Variants in ANK2 observed in about 807,000 individuals in gnomAD.
The protein encoded by ANK2 is ankyrin-2.
ANK2 carries 83 observed loss-of-function variants against 360.5 expected under a neutral mutation model. The ratio of observed to expected loss-of-function variants is 0.23; its 90% CI spans 0.19 to 0.28. The LOEUF is 0.28. Among genes scored for constraint, ANK2 ranks in the 10% least tolerant of loss-of-function variants. The pLI, the probability that ANK2 is intolerant of heterozygous loss-of-function variation, is 1.00. For missense variants in ANK2, 4,201 were observed against 4,795.7 expected (o/e 0.88, Z 3.66); for synonymous variants, 1,740 against 1,759.5 (o/e 0.99, Z 0.28).
chr4:113,336,125 C>A, intron 30 of ANK2, 68 bp downstream of exon 30: 2 of 1,513,580 alleles, frequency 1.3e-6, no homozygotes, highest in Admixed American at 1.7e-5. Flanking sequence ...TTAGCTTTGT[C>A]AAGGACTGTT....
chr4:112,939,626 TA>T (rs2094046697), intron 2 of ANK2, among the ~76,000 whole-genome samples: 2 of 152,214 alleles, frequency 1.3e-5, no homozygotes, highest in Non-Finnish European at 2.9e-5. Context: ...GTTCATTCTT[TA>T]AAAATACAAT....
intron 13 of ANK2, among the ~76,000 whole-genome samples, chr4:113,260,687 A>G (rs76139316): frequency 0.028 from 4,301 of 152,344 alleles, 100 homozygotes; most frequent in East Asian, 0.068. Context: ...CTGGAATTAA[A>G]ATTTAACTGG....
intron 2 of ANK2, among the ~76,000 whole-genome samples, chr4:112,975,245 G>A (rs1209287223): frequency 6.6e-6 from 1 of 152,020 alleles, no homozygotes; most frequent in African/African-American, 2.4e-5. Context: ...TGATGTTTCT[G>A]TTCACTTAGC....
the ANK2 span, among the ~76,000 whole-genome samples, chr4:112,778,384 C>A: frequency 1.3e-5 from 2 of 152,078 alleles, no homozygotes; most frequent in East Asian, 3.9e-4. Context: ...GTTGGCCAGG[C>A]TGGTCTTGAA....
chr4:113,084,241 T>C (rs577864877), intron 1 of ANK2, among the ~76,000 whole-genome samples: 6 of 152,326 alleles, frequency 3.9e-5, no homozygotes, highest in African/African-American at 1.4e-4. Context: ...TCAAAGCACA[T>C]GCAGAAGGGG....
At chr4:113,247,169 A>C (rs1383754920) in intron 9 of ANK2, among the ~76,000 whole-genome samples, 1 of 151,850 alleles carries the variant, frequency 6.6e-6, no homozygotes, top group African/African-American at 2.4e-5. Flanking sequence ...GAGAAAAAAA[A>C]AAAAACAACA....
chr4:112,783,958 A>G, the ANK2 span, among the ~76,000 whole-genome samples: 1 of 152,016 alleles, frequency 6.6e-6, no homozygotes, highest in African/African-American at 2.4e-5. Context: ...TTATGTTGAT[A>G]TATTTTTAAA....
chr4:112,910,765 GATA>G, intron 2 of ANK2, among the ~76,000 whole-genome samples: 1 of 152,198 alleles, frequency 6.6e-6, no homozygotes, highest in African/African-American at 2.4e-5. Flanking sequence ...TTAGAAAGAG[GATA>G]ATATTTGGAA....
chr4:112,861,328 G>T (rs2067947302), intron 1 of ANK2, among the ~76,000 whole-genome samples: 1 of 152,186 alleles, frequency 6.6e-6, no homozygotes, highest in Non-Finnish European at 1.5e-5. Context: ...AGGAATTTAG[G>T]ATTTCTGAAT....
rs1564061618 is a variant in ANK2, at chr4:113,358,678, C to G, written c.10060C>G (p.Leu3354Val). Residue 3354 changes from leucine to valine, a missense_variant, in exon 38 of 46, where the codon CTC becomes GTC. This residue lies in a region of ANK2 where 2,642 missense variants were observed against 2,714.5 expected (regional missense o/e 0.97). Coordinates refer to ENST00000357077, the MANE Select transcript of ANK2 (RefSeq NM_001148.6). ...GTCCAAACTCCCTGTCAAAGTACCCCTCCAAAGAGTTGAACAGCAGCTCTC... is the reference window on the plus strand; with the variant it reads ...GTCCAAACTCCCTGTCAAAGTACCCGTCCAAAGAGTTGAACAGCAGCTCTC... The part of the protein sequence containing the change: ...PKSKLPVKVP[L>V]QRVEQQLSDL... 12 of 1,613,932 alleles carry G rather than the reference C, an allele frequency of 7.4e-6. No individual in the cohort carries two copies. The highest frequency in any genetic ancestry group is 1.0e-5 in the Non-Finnish European group (12 of 1,179,970).
At chr4:112,803,516 A>C in the ANK2 span, among the ~76,000 whole-genome samples, 8 of 152,240 alleles carry the variant, frequency 5.3e-5, no homozygotes, top group Non-Finnish European at 1.0e-4. Flanking sequence ...GTTGGCTGCC[A>C]CCGGAAGCTG....
intron 2 of ANK2, among the ~76,000 whole-genome samples, chr4:112,999,607 A>G (rs1259919116): frequency 6.6e-6 from 1 of 152,050 alleles, no homozygotes; most frequent in Non-Finnish European, 1.5e-5. Context: ...GGTGATTTGC[A>G]GCAATATACT....
At chr4:113,254,313 T>G (rs1050544439) in intron 10 of ANK2, among the ~76,000 whole-genome samples, 3 of 152,258 alleles carry the variant, frequency 2.0e-5, no homozygotes, top group African/African-American at 7.2e-5. Context: ...CTGTCTGTTG[T>G]GTTCCCTGCT....
rs185200212 is a variant in ANK2, at chr4:112,838,216, T to C, written c.-40+19952T>C. 9.2e-5 allele frequency among the ~76,000 whole-genome samples: 14 copies of C among 152,330 alleles called. No individual in the cohort carries two copies. The East Asian group carries it at 2.1e-3, about 23-fold the overall frequency. ...GGCACTTCCTCATTCTCTCTCTCTTTCCTGCCACCTTGTGAAGAAAGTGCC... is the reference window on the plus strand; with the variant it reads ...GGCACTTCCTCATTCTCTCTCTCTTCCCTGCCACCTTGTGAAGAAAGTGCC... On this transcript the variant is annotated intron_variant, in intron 1 of 30. Coordinates refer to the ANK2 transcript ENST00000503271.
chr4:113,236,740 A>G (rs1325249737), intron 5 of ANK2, among the ~76,000 whole-genome samples: 3 of 152,188 alleles, frequency 2.0e-5, no homozygotes, highest in Non-Finnish European at 4.4e-5. Context: ...TCCTGTATGT[A>G]ATATGTTTGT....
intron 9 of ANK2, among the ~76,000 whole-genome samples, chr4:113,247,198 G>A (rs1247688517): frequency 1.3e-5 from 2 of 151,514 alleles, no homozygotes; most frequent in Non-Finnish European, 2.9e-5. Flanking sequence ...AACACAAGGG[G>A]TCTCTGGAAG....
intron 33 of ANK2, 21 bp from the exon 34 acceptor site, chr4:113,342,996 T>G (rs566967652): frequency 1.2e-6 from 2 of 1,613,668 alleles, no homozygotes; most frequent in African/African-American, 2.7e-5. Flanking sequence ...TTTATTGTTA[T>G]TTCTCTCTGT....
At chr4:113,288,890 TG>T (rs1002765392) in intron 20 of ANK2, among the ~76,000 whole-genome samples, 1 of 152,158 alleles carries the variant, frequency 6.6e-6, no homozygotes, top group African/African-American at 2.4e-5. Flanking sequence ...TCATTTTTAA[TG>T]AACTCTGTCA....
Position 113,287,692 on chromosome 4 carries a change from G to A in ANK2, c.2167G>A (p.Ala723Thr), listed in dbSNP as rs1206959151. The change falls in exon 19 of 46, where the codon GCT becomes ACT. Residue 723 changes from alanine (A) to threonine (T), a missense_variant. This residue lies in a region of ANK2 where 1,268 missense variants were observed against 1,650.8 expected (regional missense o/e 0.77). Transcript: ENST00000357077. ...ILTKHGADQDAHTKLGYTPLI... is the reference protein window; with the variant it reads ...ILTKHGADQDTHTKLGYTPLI... ...CACCAAGCATGGAGCTGATCAGGAT[G>A]CTCATACAAAGGTAAAGCAAATCAC... 3 of 1,610,280 alleles carry A rather than the reference G, an allele frequency of 1.9e-6. No individual in the cohort carries two copies. Among genetic ancestry groups the A allele is most frequent in the Admixed American group, 1.7e-5 (1 of 60,006 alleles).
Sources: gnomAD v4.1 joint callset for allele counts (sites outside exome capture counted in the v4.1 genomes callset) on GRCh38, gnomAD v4.1.1 for gene constraint, gnomAD v4.1.1 regional missense constraint, MANE v1.5 for transcripts, NCBI Gene and HGNC (gene_info 2026-07-23, HGNC 2026-07-21) for gene names.